The following ROBO1 variants were observed in gnomAD, a reference collection of about 807,000 sequenced individuals.
ROBO1 encodes roundabout homolog 1.
A neutral mutation model predicts 195.9 loss-of-function variants in ROBO1; 149 were observed. The ratio of observed to expected loss-of-function variants is 0.76; its 90% CI spans 0.67 to 0.87. The LOEUF is 0.87. Among genes scored for constraint, ROBO1 ranks in the 40% least tolerant of loss-of-function variants. ROBO1 has a pLI of 0.00. For missense variants in ROBO1, 1,933 were observed against 2,068.3 expected (o/e 0.93, Z 1.27); for synonymous variants, 816 against 733.2 (o/e 1.11, Z -1.82).
rs570337699 is a variant in ROBO1 at position 79,129,963 on chromosome 3, T to G, written c.89-4424A>C. 3.2e-4 allele frequency among the ~76,000 whole-genome samples: 40 copies of G among 123,376 alleles called. No homozygotes were observed. The South Asian group carries it at 7.3e-3, about 23-fold the overall frequency. 80.9% of individuals were successfully genotyped at this position (123,376 alleles called of 152,430 possible). ...ATCCTTTCCCCATTGCTTGTTTTTC[T>G]CAGGTTTGTCAAAGATCAGATAGTT... On this transcript the variant is annotated intron_variant, in intron 2 of 30. Transcript: ENST00000464233.
At chr3:78,714,301 T>C in intron 8 of ROBO1, 96 bp downstream of exon 8, 1 of 1,214,322 alleles carries the variant, frequency 8.2e-7, no homozygotes. Context: ...TTAAAGTCTA[T>C]ATGTAACATA....
At position 78,668,684 on chromosome 3, in the gene ROBO1, C is replaced by T. The variant is rs1707881990; in HGVS notation, c.1549-119G>A. Reference sequence around the variant, plus strand: ...GGATAACTGCATTAAAATTCACTAACCAGAAACTTCCCCTTAGTTGAATAT... The same window carrying T: ...GGATAACTGCATTAAAATTCACTAATCAGAAACTTCCCCTTAGTTGAATAT... On this transcript the variant is annotated intron_variant, in intron 11 of 30. Transcript: ENST00000464233. 8.3e-6 allele frequency: 6 copies of T among 727,136 alleles called. No individual in the cohort carries two copies. In the South Asian group the frequency reaches 1.4e-4, roughly 17 times the overall value. The allele number at this position is 727,136 out of a possible 1,614,324, so 45.0% of individuals were successfully genotyped here.
At position 78,722,757 on chromosome 3, in the gene ROBO1, C is replaced by T. The variant is rs190173585; in HGVS notation, c.658-4874G>A. Among the ~76,000 whole-genome samples, 379 of 152,184 alleles carry T rather than the reference C, an allele frequency of 2.5e-3. 3 individuals carry two copies. The highest frequency in any genetic ancestry group is 8.7e-3 in the African/African-American group (361 of 41,538). On this transcript the variant is annotated intron_variant, in intron 5 of 30. Transcript: ENST00000464233. ...TATACTTAGGAAAGCAAAGTGAGCA[C>T]GGGCTCTGGAGTCAGACTACTTTTT...
chr3:79,489,651 CAAAA>C (rs11328226), intron 2 of ROBO1, among the ~76,000 whole-genome samples: 7 of 88,822 alleles, frequency 7.9e-5, no homozygotes, highest in Non-Finnish European at 4.8e-5. Flanking sequence ...GACTTCATCT[CAAAA>C]AAAAAAAAAA....
At chr3:79,750,263 T>C (rs1003701625) in intron 1 of ROBO1, among the ~76,000 whole-genome samples, 12 of 152,270 alleles carry the variant, frequency 7.9e-5, no homozygotes, top group African/African-American at 2.9e-4. Context: ...ACCCAATGCC[T>C]GTACTTCCAT....
At chr3:79,741,871 T>C (rs937890332) in intron 1 of ROBO1, among the ~76,000 whole-genome samples, 20 of 152,238 alleles carry the variant, frequency 1.3e-4, no homozygotes, top group Admixed American at 7.2e-4. Context: ...TCACTCACTA[T>C]GCTTTAGCAA....
chr3:78,925,957 G>A (rs765025639), intron 4 of ROBO1, among the ~76,000 whole-genome samples: 4 of 151,654 alleles, frequency 2.6e-5, no homozygotes, highest in African/African-American at 7.3e-5. Flanking sequence ...TGCAACCTCC[G>A]CCTCCCAGGT....
chr3:79,376,868 G>C (rs1436899222), intron 2 of ROBO1, among the ~76,000 whole-genome samples: 1 of 152,148 alleles, frequency 6.6e-6, no homozygotes, highest in Non-Finnish European at 1.5e-5. Context: ...AATGAATAAA[G>C]AGATTGTCTC....
chr3:78,639,104 C>T (rs1168055857), intron 22 of ROBO1, among the ~76,000 whole-genome samples: 1 of 150,934 alleles, frequency 6.6e-6, no homozygotes, highest in Non-Finnish European at 1.5e-5. Flanking sequence ...TGAGATTGCG[C>T]CTCTGAGCTC....
chr3:78,679,332 T>C (rs1255858642), intron 10 of ROBO1, among the ~76,000 whole-genome samples: 7 of 151,940 alleles, frequency 4.6e-5, no homozygotes, highest in African/African-American at 1.2e-4. Context: ...CCAGGGCAAT[T>C]AGGCAGGAGA....
intron 3 of ROBO1, among the ~76,000 whole-genome samples, chr3:78,940,729 A>G (rs1258875426): frequency 1.3e-5 from 2 of 150,748 alleles, no homozygotes; most frequent in Non-Finnish European, 3.0e-5. Flanking sequence ...CAGAATTACA[A>G]TATATAAATC....
At chr3:79,755,247 T>A (rs916483060) in intron 1 of ROBO1, among the ~76,000 whole-genome samples, 10 of 152,156 alleles carry the variant, frequency 6.6e-5, no homozygotes, top group African/African-American at 2.4e-4. Context: ...ATGAAAATAA[T>A]TGCTTAATTT....
At chr3:78,938,994 C>T in intron 3 of ROBO1, 67 bp from the exon 4 acceptor site, 2 of 1,368,772 alleles carry the variant, frequency 1.5e-6, no homozygotes, top group South Asian at 2.7e-5. Context: ...ATTTTTAAAG[C>T]ATTGGCTTAA....
At chr3:78,847,227 A>G (rs773562422) in intron 4 of ROBO1, among the ~76,000 whole-genome samples, 8 of 152,184 alleles carry the variant, frequency 5.3e-5, no homozygotes, top group Non-Finnish European at 1.2e-4. Flanking sequence ...AGGATGGAAT[A>G]TAACTTCTTA....
chr3:79,431,660 G>A (rs973680223), intron 2 of ROBO1, among the ~76,000 whole-genome samples: 1 of 152,116 alleles, frequency 6.6e-6, no homozygotes, highest in African/African-American at 2.4e-5. Flanking sequence ...TTGCAAAGAT[G>A]TTTCTTTTAT....
chr3:78,668,430 G>C (rs775797594), intron 12 of ROBO1, 54 bp downstream of exon 12: 1 of 1,601,506 alleles, frequency 6.2e-7, no homozygotes, highest in Non-Finnish European at 8.6e-7. Flanking sequence ...ATCCCAGTAA[G>C]TAAACAACTG....
At chr3:79,687,420 A>G (rs993985357) in intron 1 of ROBO1, among the ~76,000 whole-genome samples, 2 of 152,218 alleles carry the variant, frequency 1.3e-5, no homozygotes, top group African/African-American at 2.4e-5. Context: ...AGAAACTACT[A>G]TCAGAGTGAA....
intron 3 of ROBO1, among the ~76,000 whole-genome samples, chr3:79,093,676 G>A (rs551302825): frequency 8.7e-4 from 133 of 152,080 alleles, no homozygotes; most frequent in African/African-American, 3.1e-3. Context: ...TTTTAAGACA[G>A]TATCACTTTA....
intron 5 of ROBO1, among the ~76,000 whole-genome samples, chr3:78,724,484 T>G (rs971290762): frequency 7.3e-4 from 98 of 133,982 alleles, no homozygotes; most frequent in African/African-American, 2.7e-3. Context: ...GAGACCAGCC[T>G]GGCCAACATG....
Sources: gnomAD v4.1 joint callset for allele counts (sites outside exome capture counted in the v4.1 genomes callset) on GRCh38, gnomAD v4.1.1 for gene constraint, MANE v1.5 for transcripts, NCBI Gene and HGNC (gene_info 2026-07-23, HGNC 2026-07-21) for gene names.